Variants in PID1 observed in about 807,000 individuals in gnomAD.
PID1 encodes the protein phosphotyrosine interaction domain containing 1.
Under a neutral mutation model 19.1 loss-of-function variants are expected in PID1, and 10 were observed. That is an observed-to-expected ratio of 0.52 (90% CI 0.32 to 0.89). PID1 has a LOEUF of 0.89. Ranked by LOEUF, PID1 falls within the 40% of genes least tolerant of loss-of-function variation. PID1 has a pLI of 0.03. For missense variants in PID1, 248 were observed against 285.3 expected, an observed-to-expected ratio of 0.87 and a Z score of 0.94; for synonymous variants, 130 against 116.0, an observed-to-expected ratio of 1.12 and a Z score of -0.78.
chr2:229,224,095 G>C (rs973619952), intron 1 of PID1, among the ~76,000 whole-genome samples: 2 of 152,158 alleles, frequency 1.3e-5, no homozygotes, highest in African/African-American at 4.8e-5. Context: ...CATCCATGTT[G>C]CTACAAAGGA....
At chr2:229,087,136 C>T (rs998435924) in intron 2 of PID1, among the ~76,000 whole-genome samples, 1 of 152,118 alleles carries the variant, frequency 6.6e-6, no homozygotes, top group Non-Finnish European at 1.5e-5. Context: ...AACTGCTTAT[C>T]AAATTACATT....
At chr2:229,063,964 G>A (rs996327784) in intron 2 of PID1, among the ~76,000 whole-genome samples, 4 of 151,988 alleles carry the variant, frequency 2.6e-5, no homozygotes, top group African/African-American at 4.8e-5. Flanking sequence ...GAGAGCTCCA[G>A]ACTCAGACTC....
intron 1 of PID1, among the ~76,000 whole-genome samples, chr2:229,257,584 A>G (rs1690336273): frequency 6.6e-6 from 1 of 152,192 alleles, no homozygotes; most frequent in East Asian, 1.9e-4. Flanking sequence ...TTTACAATGC[A>G]TTCATCACCT....
chr2:229,131,775 T>A (rs1689746190), intron 2 of PID1, among the ~76,000 whole-genome samples: 1 of 152,024 alleles, frequency 6.6e-6, no homozygotes, highest in Admixed American at 6.6e-5. Flanking sequence ...CAAGCAACGT[T>A]CACTTCTTAA....
chr2:229,253,440 A>G (rs1690206463), intron 1 of PID1, among the ~76,000 whole-genome samples: 1 of 152,172 alleles, frequency 6.6e-6, no homozygotes, highest in Non-Finnish European at 1.5e-5. Flanking sequence ...TAGCAGGACT[A>G]CACCCTTATA....
rs191205610 is a variant in PID1, at chr2:229,143,561, A to G, written c.177+12257T>C. Reference sequence around the variant, plus strand: ...TCCACACCAAGGCACGTAACCATAAAATTAAAGAGGACCAAAAACAAAAAG... The same window carrying G: ...TCCACACCAAGGCACGTAACCATAAGATTAAAGAGGACCAAAAACAAAAAG... On this transcript the variant is annotated intron_variant, in intron 2 of 2. Transcript: ENST00000392055. 2.0e-5 allele frequency among the ~76,000 whole-genome samples: 3 copies of G among 152,258 alleles called. No homozygotes were observed. In the East Asian group the frequency reaches 5.8e-4, roughly 29 times the overall value.
At chr2:229,096,480 T>G (rs1042962861) in intron 2 of PID1, among the ~76,000 whole-genome samples, 1 of 152,154 alleles carries the variant, frequency 6.6e-6, no homozygotes, top group African/African-American at 2.4e-5. Context: ...CTCCGTTTCA[T>G]ACACCTGAGG....
intron 2 of PID1, among the ~76,000 whole-genome samples, chr2:229,133,130 G>A (rs1689779445): frequency 6.6e-6 from 1 of 152,142 alleles, no homozygotes. Flanking sequence ...TCAATCCAAG[G>A]CCAAGTACAA....
intron 2 of PID1, among the ~76,000 whole-genome samples, chr2:229,145,597 A>G (rs6747896): frequency 0.14 from 20,948 of 152,146 alleles, 1,755 homozygotes; most frequent in East Asian, 0.28. Flanking sequence ...CTGCATAAAA[A>G]GGTACTTCTC....
At chr2:229,236,375 C>T (rs1305510791) in intron 1 of PID1, 1 of 152,154 alleles carries the variant, frequency 6.6e-6, no homozygotes, top group East Asian at 1.9e-4. Flanking sequence ...TTAGGCATCC[C>T]TTTCCAGATA....
At chr2:229,204,952 CT>C (rs1463396055) in intron 1 of PID1, among the ~76,000 whole-genome samples, 1 of 152,078 alleles carries the variant, frequency 6.6e-6, no homozygotes, top group African/African-American at 2.4e-5. Context: ...AAAAAAATGA[CT>C]TTGGTATTTA....
intron 1 of PID1, among the ~76,000 whole-genome samples, chr2:229,228,516 A>T (rs1692131405): frequency 6.6e-6 from 1 of 152,222 alleles, no homozygotes; most frequent in Admixed American, 6.5e-5. Flanking sequence ...ATAAATTTAC[A>T]TTTTTTAAAA....
intron 1 of PID1, among the ~76,000 whole-genome samples, chr2:229,200,127 G>C (rs192193043): frequency 2.6e-5 from 4 of 151,950 alleles, no homozygotes; most frequent in African/African-American, 9.6e-5. Context: ...TGATGACTCC[G>C]CTGCTGCACT....
At chr2:229,213,883 C>A (rs1191747198) in intron 1 of PID1, among the ~76,000 whole-genome samples, 1 of 152,224 alleles carries the variant, frequency 6.6e-6, no homozygotes, top group Non-Finnish European at 1.5e-5. Flanking sequence ...CCACAAACAA[C>A]TCTACATAAT....
At chr2:229,244,958 A>T (rs1689963706) in intron 1 of PID1, 1 of 152,274 alleles carries the variant, frequency 6.6e-6, no homozygotes, top group South Asian at 2.1e-4. Flanking sequence ...AAAACTCCAT[A>T]AGCAGAAGCT....
chr2:229,268,334 T>C (rs1456593536), intron 1 of PID1, among the ~76,000 whole-genome samples: 1 of 152,198 alleles, frequency 6.6e-6, no homozygotes, highest in African/African-American at 2.4e-5. Flanking sequence ...CGGAGCCAGT[T>C]GCTACACTCA....
intron 2 of PID1, among the ~76,000 whole-genome samples, chr2:229,096,504 G>A (rs1319382461): frequency 1.3e-5 from 2 of 152,128 alleles, no homozygotes; most frequent in Non-Finnish European, 2.9e-5. Context: ...ATGTCACTAA[G>A]CTTGACCATG....
chr2:229,153,554 G>T (rs1690302590), intron 2 of PID1, among the ~76,000 whole-genome samples: 1 of 151,780 alleles, frequency 6.6e-6, no homozygotes, highest in Non-Finnish European at 1.5e-5. Flanking sequence ...CGGAACCCTT[G>T]CCCTCTTTGG....
intron 1 of PID1, among the ~76,000 whole-genome samples, chr2:229,267,442 T>C (rs10185903): frequency 0.14 from 21,402 of 152,236 alleles, 1,612 homozygotes; most frequent in Middle Eastern, 0.23. Flanking sequence ...GGAACCTTTA[T>C]AGAATGCCTC....
Sources: allele counts gnomAD v4.1 joint callset (sites outside exome capture counted in the v4.1 genomes callset), GRCh38; gene constraint gnomAD v4.1.1; transcripts MANE v1.5; gene names NCBI Gene and HGNC (gene_info 2026-07-23, HGNC 2026-07-21).